The following IPO8 variants were observed in gnomAD, a reference collection of about 807,000 sequenced individuals.
The protein encoded by IPO8 is importin-8.
A neutral mutation model predicts 141.2 loss-of-function variants in IPO8; 65 were observed. That is an observed-to-expected ratio of 0.46 (90% CI 0.38 to 0.57). The LOEUF is 0.57. Among genes scored for constraint, IPO8 ranks in the 20% least tolerant of loss-of-function variants. The pLI, the probability that IPO8 is intolerant of heterozygous loss-of-function variation, is 0.00. For synonymous variants in IPO8, 411 were observed against 420.3 expected (o/e 0.98, Z 0.27); for missense variants, 980 against 1,246.8 (o/e 0.79, Z 3.22).
intron 8 of IPO8, among the ~76,000 whole-genome samples, chr12:30,672,690 C>A (rs1161517971): frequency 6.6e-6 from 1 of 152,104 alleles, no homozygotes; most frequent in Non-Finnish European, 1.5e-5. Flanking sequence ...CATTAGTGGA[C>A]AGCACTGGGA....
intron 24 of IPO8, among the ~76,000 whole-genome samples, chr12:30,631,429 T>C (rs547227616): frequency 1.3e-5 from 2 of 152,292 alleles, no homozygotes; most frequent in African/African-American, 2.4e-5. Flanking sequence ...CACAGAGTAA[T>C]TCCTCCAGCT....
At position 30,667,526 on chromosome 12, in the gene IPO8, A is replaced by G. The variant is rs531163065; in HGVS notation, c.1145-1275T>C. Reference sequence around the variant, plus strand: ...GATAGGAATGCTTTGTTTCACGTAAATAATTGCAAGTGCCAAACATATAAA... The same window carrying G: ...GATAGGAATGCTTTGTTTCACGTAAGTAATTGCAAGTGCCAAACATATAAA... On this transcript the variant is annotated intron_variant, in intron 10 of 24. Transcript: ENST00000256079. Among the ~76,000 whole-genome samples the G allele has an allele frequency of 5.3e-5, 8 of 152,346 alleles. No homozygotes were observed. In the South Asian group the frequency reaches 1.7e-3, roughly 32 times the overall value.
At chr12:30,681,418 T>A (rs2053187150) in intron 4 of IPO8, among the ~76,000 whole-genome samples, 1 of 152,224 alleles carries the variant, frequency 6.6e-6, no homozygotes, top group South Asian at 2.1e-4. Flanking sequence ...ACTGTGCAAC[T>A]AACAAGTTTG....
chr12:30,636,930 C>T, intron 22 of IPO8, 52 bp downstream of exon 22: 1 of 1,410,818 alleles, frequency 7.1e-7, no homozygotes, highest in Non-Finnish European at 1.0e-6. Flanking sequence ...ATATAAAATG[C>T]ATACACAAAT....
chr12:30,694,031 CAGAA>C (rs1242159537), intron 1 of IPO8, among the ~76,000 whole-genome samples: 1 of 152,098 alleles, frequency 6.6e-6, no homozygotes, highest in Non-Finnish European at 1.5e-5. Context: ...ACTGATGAAT[CAGAA>C]AGAAATGAAG....
intron 23 of IPO8, among the ~76,000 whole-genome samples, chr12:30,632,806 T>G (rs1254172306): frequency 6.6e-6 from 1 of 152,170 alleles, no homozygotes; most frequent in Non-Finnish European, 1.5e-5. Flanking sequence ...GGTCACCGCC[T>G]CAGAACACAA....
intron 5 of IPO8, chr12:30,676,994 C>T: frequency 2.0e-6 from 3 of 1,529,056 alleles, no homozygotes; most frequent in Non-Finnish European, 2.6e-6. Flanking sequence ...TTCCTCTACA[C>T]TGTAGCATAA....
intron 19 of IPO8, among the ~76,000 whole-genome samples, chr12:30,651,197 G>A (rs1265210261): frequency 6.6e-6 from 1 of 152,060 alleles, no homozygotes; most frequent in Non-Finnish European, 1.5e-5. Context: ...AGGGAAAACT[G>A]AAGACTGCCC....
Position 30,647,603 on chromosome 12 carries a change from CA to C in IPO8, c.2268+1533del, listed in dbSNP as rs34098076. ...CCAGGTGATAGAATGAGACCGTCTCCAAAAAAAAAAAAAAAAAAAAAAGACA... is the reference window on the plus strand; with the variant it reads ...CCAGGTGATAGAATGAGACCGTCTCCAAAAAAAAAAAAAAAAAAAAAGACA... On this transcript the variant is annotated intron_variant, in intron 20 of 24. Coordinates refer to ENST00000256079, the MANE Select transcript of IPO8 (RefSeq NM_006390.4). 5.9e-4 allele frequency among the ~76,000 whole-genome samples: 24 copies of C among 40,788 alleles called. No individual in the cohort carries two copies. In the East Asian group the frequency reaches 6.5e-3, roughly 11 times the overall value. The allele number at this position is 40,788 out of a possible 152,430, so 26.8% of individuals were successfully genotyped here.
chr12:30,672,957 TAA>T (rs140703917), intron 8 of IPO8, among the ~76,000 whole-genome samples: 1 of 147,584 alleles, frequency 6.8e-6, no homozygotes. Flanking sequence ...AAGAGCTATT[TAA>T]AAAAAAAAAA....
chr12:30,669,847 A>G (rs2053024589), intron 9 of IPO8, among the ~76,000 whole-genome samples: 1 of 152,200 alleles, frequency 6.6e-6, no homozygotes. Context: ...CAGTTAGAGA[A>G]AAGTCCTATC....
intron 11 of IPO8, 29 bp downstream of exon 11, chr12:30,666,145 GT>G: frequency 7.2e-7 from 1 of 1,390,662 alleles, no homozygotes. Flanking sequence ...CCACCTTTCA[GT>G]TTTGGATTTA....
At chr12:30,650,855 T>C (rs2052717174) in intron 19 of IPO8, among the ~76,000 whole-genome samples, 2 of 152,036 alleles carry the variant, frequency 1.3e-5, no homozygotes, top group Admixed American at 1.3e-4. Flanking sequence ...AACCTCAGCA[T>C]AGTGCAAGAA....
intron 17 of IPO8, among the ~76,000 whole-genome samples, chr12:30,655,491 T>G (rs1162810451): frequency 6.6e-6 from 1 of 152,238 alleles, no homozygotes; most frequent in Non-Finnish European, 1.5e-5. Context: ...AATTTTCAAG[T>G]ATATAATACA....
chr12:30,677,863 G>T (rs1447687866), intron 5 of IPO8, among the ~76,000 whole-genome samples: 1 of 151,964 alleles, frequency 6.6e-6, no homozygotes, highest in Non-Finnish European at 1.5e-5. Context: ...TTGGCCAGGC[G>T]TGGTGGCTCA....
chr12:30,646,673 T>C (rs1182026948), intron 20 of IPO8, among the ~76,000 whole-genome samples: 1 of 152,164 alleles, frequency 6.6e-6, no homozygotes, highest in African/African-American at 2.4e-5. Context: ...AAAACAATTA[T>C]ATTTCTATAC....
At chr12:30,669,472 T>A (rs983453935) in intron 9 of IPO8, among the ~76,000 whole-genome samples, 190 bp from the exon 10 acceptor site, 6 of 152,118 alleles carry the variant, frequency 3.9e-5, no homozygotes, top group African/African-American at 1.4e-4. Flanking sequence ...AACATTTCCA[T>A]TTTAGTCCTA....
chr12:30,668,718 A>G (rs1009047156), intron 10 of IPO8, among the ~76,000 whole-genome samples: 11 of 152,200 alleles, frequency 7.2e-5, no homozygotes, highest in Admixed American at 3.9e-4. Context: ...AGGACACCCA[A>G]AGAATTGGAC....
In IPO8 at chr12:30,674,720, C is replaced by G. The variant is rs2053095962; in HGVS notation, c.763G>C (p.Glu255Gln). 1.2e-6 allele frequency: 2 copies of G among 1,613,622 alleles called. No individual in the cohort carries two copies. Among genetic ancestry groups the G allele is most frequent in the Non-Finnish European group, 1.7e-6 (2 of 1,179,674 alleles). Residue 255 changes from glutamate to glutamine, a missense_variant, in exon 7 of 25, where the codon GAA becomes CAA. By Grantham distance (29) the Glu-to-Gln change is conservative (BLOSUM62 2). Transcript: ENST00000256079. ...TTCTTACACTTCCACCATACCAGTT[C>G]TGGTCTATCATCCTCATCAATGTGC... ...TLHIDEDDRP[E>Q]LVWWKCKKWA...
Sources: gnomAD v4.1 joint callset for allele counts (sites outside exome capture counted in the v4.1 genomes callset) on GRCh38, gnomAD v4.1.1 for gene constraint, MANE v1.5 for transcripts, NCBI Gene and HGNC (gene_info 2026-07-23, HGNC 2026-07-21) for gene names.